Variants in ANKRD13B observed in about 807,000 individuals in gnomAD.
The protein encoded by ANKRD13B is ankyrin repeat domain 13B, also known as ankyrin repeat domain-containing protein 13B.
A neutral mutation model predicts 74.4 loss-of-function variants in ANKRD13B; 33 were observed. That is an observed-to-expected ratio of 0.44 (90% CI 0.34 to 0.59). ANKRD13B has a LOEUF of 0.59. ANKRD13B is among the 20% of genes least tolerant of loss of function. The pLI is 0.02. For missense variants in ANKRD13B, 676 were observed against 877.9 expected, an observed-to-expected ratio of 0.77 and a Z score of 2.91; for synonymous variants, 341 against 362.9, an observed-to-expected ratio of 0.94 and a Z score of 0.68.
chr17:29,595,732 C>T (rs1161309077), intron 1 of ANKRD13B, among the ~76,000 whole-genome samples: 1 of 152,156 alleles, frequency 6.6e-6, no homozygotes, highest in Admixed American at 6.5e-5. Flanking sequence ...GTCCTGGATC[C>T]AGGCCAGGGG....
At chr17:29,604,958 C>T (rs1229163393) in intron 1 of ANKRD13B, among the ~76,000 whole-genome samples, 1 of 152,234 alleles carries the variant, frequency 6.6e-6, no homozygotes, top group East Asian at 1.9e-4. Context: ...TGCATCTCCA[C>T]TCTAGGAGGC....
rs895744862 is a variant in ANKRD13B at position 29,609,841 on chromosome 17, G to C, written c.822+420G>C. ...TACAAGGTCACACAGCTGTTAAGTGGCAGAGTTGGGGTTCAGATCCTGGCT... is the reference window on the plus strand; with the variant it reads ...TACAAGGTCACACAGCTGTTAAGTGCCAGAGTTGGGGTTCAGATCCTGGCT... On this transcript the variant is annotated intron_variant, in intron 7 of 14. Transcript: ENST00000394859. This position sits in a 1 kb window ranked among gnomAD's most constrained non-coding sequence, Gnocchi z 4.0. Among the ~76,000 whole-genome samples, 15 of 152,268 alleles carry C rather than the reference G, an allele frequency of 9.9e-5. No individual in the cohort carries two copies. The highest frequency in any genetic ancestry group is 3.4e-4 in the African/African-American group (14 of 41,536).
At chr17:29,599,769 T>C (rs1291347380) in intron 1 of ANKRD13B, among the ~76,000 whole-genome samples, 2 of 152,060 alleles carry the variant, frequency 1.3e-5, no homozygotes, top group Admixed American at 6.6e-5. Context: ...TCTTTTTATA[T>C]TTTTCCTGAG....
Position 29,612,504 on chromosome 17 carries a change from C to T in ANKRD13B, c.1361C>T (p.Thr454Met), listed in dbSNP as rs766652555. The change falls in exon 12 of 15, where the codon ACG becomes ATG. Residue 454 changes from threonine to methionine, a missense_variant. Transcript: ENST00000394859. This position sits in a 1 kb window ranked among gnomAD's most constrained non-coding sequence, Gnocchi z 6.1. ...GTGCGAGGCAGCCCCAGCAGCGAGA[C>T]GCCTTCCCCAGGCAGCGACTCCTCC... Reference protein sequence around the residue: ...PSVRGSPSSETPSPGSDSSSV... With the variant: ...PSVRGSPSSEMPSPGSDSSSV... 9.6e-5 allele frequency: 152 copies of T among 1,582,908 alleles called. No individual in the cohort carries two copies. The highest frequency in any genetic ancestry group is 1.2e-4 in the Non-Finnish European group (140 of 1,164,652).
At position 29,607,790 on chromosome 17, in the gene ANKRD13B, G is replaced by T; in HGVS notation, c.163G>T (p.Ala55Ser). The change falls in exon 2 of 15, where the codon GCC becomes TCC. Residue 55 changes from alanine to serine, a missense_variant. By Grantham distance (99) the Ala-to-Ser change is moderately conservative. Transcript: ENST00000394859. ...CCGCGGCCGGACTCCCCTGCACCTG[G>T]CCACCACGCTGGGGCACCTTGAGTG... The part of the protein sequence containing the change: ...DPRGRTPLHL[A>S]TTLGHLECAR... 1 of 1,603,142 alleles carries T rather than the reference G, an allele frequency of 6.2e-7. No homozygotes were observed. Among genetic ancestry groups the T allele is most frequent in the Non-Finnish European group, 8.5e-7 (1 of 1,179,792 alleles).
Position 29,612,209 on chromosome 17 carries a change from G to C in ANKRD13B, c.1194G>C (p.Ala398=). The part of the protein sequence containing the change: ...PIIDLMAVSN[A]LFAKLRDFIT... Reference sequence around the variant, plus strand: ...TTGACCTCATGGCCGTCAGCAATGCGCTTTTTGCCAAGCTCCGGGACTTCA... The same window carrying C: ...TTGACCTCATGGCCGTCAGCAATGCCCTTTTTGCCAAGCTCCGGGACTTCA... Residue 398 remains alanine, a synonymous_variant, in exon 11 of 15, where the codon GCG becomes GCC. Coordinates refer to ENST00000394859, the MANE Select transcript of ANKRD13B (RefSeq NM_152345.5). This position sits in a 1 kb window ranked among gnomAD's most constrained non-coding sequence, Gnocchi z 6.1. 6.2e-7 allele frequency: 1 copy of C among 1,614,126 alleles called. No homozygotes were observed. Among genetic ancestry groups the C allele is most frequent in the Non-Finnish European group, 8.5e-7 (1 of 1,180,016 alleles).
chr17:29,609,425 A>G lies in ANKRD13B; in HGVS notation c.822+4A>G. On this transcript the variant is annotated splice_donor_region_variant and intron_variant, in intron 7 of 14. Transcript: ENST00000394859. The surrounding 1 kb of genome is among the most constrained non-coding windows in gnomAD (Gnocchi z 4.0). Reference sequence around the variant, plus strand: ...GGTGAATGGGTATGAAGCTAAGGTGAGGCTGCAGCTCCCAGCTGCCAGCCC... The same window carrying G: ...GGTGAATGGGTATGAAGCTAAGGTGGGGCTGCAGCTCCCAGCTGCCAGCCC... The G allele has an allele frequency of 1.9e-6, 3 of 1,613,068 alleles. No homozygotes were observed. The highest frequency in any genetic ancestry group is 2.5e-6 in the Non-Finnish European group (3 of 1,179,970).
rs1161336006 is a variant in ANKRD13B at position 29,612,833 on chromosome 17, C to T, written c.1575+18C>T. On this transcript the variant is annotated intron_variant, in intron 13 of 14. Transcript: ENST00000394859. The surrounding 1 kb of genome is among the most constrained non-coding windows in gnomAD (Gnocchi z 6.1). ...ATGACCAGGTGCGTCTCCGCGGGCGCGCGGGGCCACGGGACTCCGCGCCGC... is the reference window on the plus strand; with the variant it reads ...ATGACCAGGTGCGTCTCCGCGGGCGTGCGGGGCCACGGGACTCCGCGCCGC... 1.3e-6 allele frequency: 2 copies of T among 1,599,968 alleles called. No homozygotes were observed. Among genetic ancestry groups the T allele is most frequent in the East Asian group, 2.2e-5 (1 of 44,698 alleles).
At chr17:29,598,000 A>T (rs2034016182) in intron 1 of ANKRD13B, among the ~76,000 whole-genome samples, 2 of 152,018 alleles carry the variant, frequency 1.3e-5, no homozygotes, top group South Asian at 4.2e-4. Flanking sequence ...CTGCGGCTGC[A>T]GCATCTGGGG....
In ANKRD13B at chr17:29,612,355, G is replaced by A. The variant is rs763999078; in HGVS notation, c.1259-47G>A. ...GAGGTCGGGGTGGGGCTGAGGCTGA[G>A]GTGTGAGGGGCTGAGTGGTGGCGCC... On this transcript the variant is annotated intron_variant, in intron 11 of 14. Transcript: ENST00000394859. The surrounding 1 kb of genome is among the most constrained non-coding windows in gnomAD (Gnocchi z 6.1). The A allele has an allele frequency of 4.3e-5, 70 of 1,611,510 alleles. 2 individuals are homozygous for A. The South Asian group carries it at 7.5e-4, about 17-fold the overall frequency.
At chr17:29,610,816 C>T in intron 8 of ANKRD13B, 50 bp downstream of exon 8, 2 of 1,569,350 alleles carry the variant, frequency 1.3e-6, no homozygotes, top group Non-Finnish European at 1.7e-6. Flanking sequence ...CTGCGGGAAC[C>T]AGCTCCCACT....
intron 7 of ANKRD13B, among the ~76,000 whole-genome samples, chr17:29,610,436 T>G (rs1327664751): frequency 1.3e-5 from 2 of 152,304 alleles, no homozygotes; most frequent in East Asian, 3.9e-4. Context: ...GGGATCATGT[T>G]TGGCTTGTTT....
At position 29,611,312 on chromosome 17, in the gene ANKRD13B, C is replaced by A. The variant is rs146978452; in HGVS notation, c.905-267C>A. ...CAGGCGTTTTACTGTCCAGGGTCACCGAGCTGGAGAGGAGCACTTTTGGAA... is the reference window on the plus strand; with the variant it reads ...CAGGCGTTTTACTGTCCAGGGTCACAGAGCTGGAGAGGAGCACTTTTGGAA... On this transcript the variant is annotated intron_variant, in intron 8 of 14. Coordinates refer to ENST00000394859, the MANE Select transcript of ANKRD13B (RefSeq NM_152345.5). The surrounding 1 kb of genome is among the most constrained non-coding windows in gnomAD (Gnocchi z 4.3). 6.6e-6 allele frequency among the ~76,000 whole-genome samples: 1 copy of A among 152,224 alleles called. No individual in the cohort carries two copies. Among genetic ancestry groups the A allele is most frequent in the African/African-American group, 2.4e-5 (1 of 41,458 alleles).
At position 29,610,740 on chromosome 17, in the gene ANKRD13B, C is replaced by T. The variant is rs750915980; in HGVS notation, c.878C>T (p.Ser293Leu). 8 of 1,613,878 alleles carry T rather than the reference C, an allele frequency of 5.0e-6. No homozygotes were observed. Among genetic ancestry groups the T allele is most frequent in the Non-Finnish European group, 6.8e-6 (8 of 1,179,930 alleles). Residue 293 changes from serine (S) to leucine (L), a missense_variant, in exon 8 of 15, where the codon TCA becomes TTA. Physicochemically the swap from Ser to Leu is moderately radical, Grantham distance 145 (BLOSUM62 -2). Coordinates refer to ENST00000394859, the MANE Select transcript of ANKRD13B (RefSeq NM_152345.5). ...ACCCGCACACGGACAGAACATCTTT[C>T]AGAACAGCACAAGGGCAAGGTCAAA... ...LITRTRTEHL[S>L]EQHKGKVKGC...
chr17:29,607,174 T>C (rs1320847796), intron 1 of ANKRD13B, among the ~76,000 whole-genome samples: 2 of 152,240 alleles, frequency 1.3e-5, no homozygotes, highest in African/African-American at 4.8e-5. Flanking sequence ...TTTTAATGCA[T>C]AGTGTCCCAC....
chr17:29,600,740 G>T (rs2034142459), intron 1 of ANKRD13B, among the ~76,000 whole-genome samples: 1 of 152,058 alleles, frequency 6.6e-6, no homozygotes, highest in Non-Finnish European at 1.5e-5. Context: ...GGGGCTGGGG[G>T]TCACCTGGCT....
Position 29,612,647 on chromosome 17 carries a change from C to T in ANKRD13B, c.1412-5C>T, listed in dbSNP as rs528456853. On this transcript the variant is annotated splice_region_variant and splice_polypyrimidine_tract_variant and intron_variant, in intron 12 of 14. Transcript: ENST00000394859. This position sits in a 1 kb window ranked among gnomAD's most constrained non-coding sequence, Gnocchi z 6.1. ...CCGTGCCTGACCCAGCCCCCGCGCC[C>T]CCAGCCTCCTGCCGCGGCTGCGAGA... The T allele has an allele frequency of 6.5e-7, 1 of 1,540,094 alleles. No individual in the cohort carries two copies.
chr17:29,609,290 C>G lies in ANKRD13B; in HGVS notation c.755+15C>G. Reference sequence around the variant, plus strand: ...TCCTTTGAGAGGTGGGTGGACATGGCCTTGGTCACCCTTGAGCCAGCCCGG... The same window carrying G: ...TCCTTTGAGAGGTGGGTGGACATGGGCTTGGTCACCCTTGAGCCAGCCCGG... On this transcript the variant is annotated intron_variant, in intron 6 of 14. Transcript: ENST00000394859. This position sits in a 1 kb window ranked among gnomAD's most constrained non-coding sequence, Gnocchi z 4.0. 6.2e-7 allele frequency: 1 copy of G among 1,612,876 alleles called. No homozygotes were observed. The highest frequency in any genetic ancestry group is 8.5e-7 in the Non-Finnish European group (1 of 1,179,604).
Position 29,612,282 on chromosome 17 carries a change from G to T in ANKRD13B, c.1258+9G>T. 3 of 1,613,646 alleles carry T rather than the reference G, an allele frequency of 1.9e-6. No homozygotes were observed. The highest frequency in any genetic ancestry group is 2.5e-6 in the Non-Finnish European group (3 of 1,179,772). On this transcript the variant is annotated intron_variant, in intron 11 of 14. Coordinates refer to ENST00000394859, the MANE Select transcript of ANKRD13B (RefSeq NM_152345.5). This position sits in a 1 kb window ranked among gnomAD's most constrained non-coding sequence, Gnocchi z 6.1. ...CTTCCCAGTTAAGATTGGTGAGACC[G>T]CACGGCCATTTCTCCTGAGCCCGTG...
Sources: allele counts gnomAD v4.1 joint callset (sites outside exome capture counted in the v4.1 genomes callset), GRCh38; gene constraint gnomAD v4.1.1; non-coding constraint Gnocchi (gnomAD v3.1); transcripts MANE v1.5; gene names NCBI Gene and HGNC (gene_info 2026-07-23, HGNC 2026-07-21).